The following BMPR1B variants were observed in gnomAD, a reference collection of about 807,000 sequenced individuals.
The protein encoded by BMPR1B is bone morphogenetic protein receptor type-1B.
A neutral mutation model predicts 59.1 loss-of-function variants in BMPR1B; 12 were observed. That is an observed-to-expected ratio of 0.20 (90% CI 0.13 to 0.33). The LOEUF (loss-of-function observed/expected upper bound fraction) is 0.33, where lower values mean the gene tolerates loss of function less well. Among genes scored for constraint, BMPR1B ranks in the 10% least tolerant of loss-of-function variants. The probability of loss-of-function intolerance (pLI) is 1.00; values close to 1 mark genes in which losing one functional copy is unlikely to be tolerated. For missense variants in BMPR1B, 550 were observed against 610.9 expected (o/e 0.90, Z 1.05); for synonymous variants, 237 against 207.3 (o/e 1.14, Z -1.23).
rs541403195 is a variant in BMPR1B at position 95,020,317 on chromosome 4, C to G, written c.-18+24183C>G. ...ATTATCAACTGGGCGCAGTGGCTTA[C>G]GCCTGTAATCCCAGCACTTTGGGAG... On this transcript the variant is annotated intron_variant, in intron 3 of 12. Coordinates refer to ENST00000515059, the MANE Select transcript of BMPR1B (RefSeq NM_001203.3). Among the ~76,000 whole-genome samples the G allele has an allele frequency of 7.2e-5, 11 of 152,288 alleles. No individual in the cohort carries two copies. In the East Asian group the frequency reaches 2.1e-3, roughly 29 times the overall value.
chr4:94,867,140 T>C (rs570373232), intron 1 of BMPR1B, among the ~76,000 whole-genome samples: 3 of 152,326 alleles, frequency 2.0e-5, no homozygotes, highest in South Asian at 2.1e-4. Flanking sequence ...TTTTGTGTTC[T>C]AAAGGTTCCA....
At chr4:94,798,218 T>C (rs1219887259) in intron 1 of BMPR1B, among the ~76,000 whole-genome samples, 1 of 152,240 alleles carries the variant, frequency 6.6e-6, no homozygotes, top group Non-Finnish European at 1.5e-5. Context: ...ATATATTATG[T>C]GCTTGGATTC....
In BMPR1B at chr4:94,856,385, GCGTAAGT is replaced by G. The variant is rs1725756622; in HGVS notation, c.-182-19444_-182-19438del. On this transcript the variant is annotated intron_variant, in intron 1 of 12. Transcript: ENST00000515059. ...TATGTCTTTCTCCAGCCAGCTAGCA[GCGTAAGT>G]CATAGAAAACAGCAAGAACCTGGGA... Among the ~76,000 whole-genome samples the G allele has an allele frequency of 3.3e-5, 5 of 152,152 alleles. No homozygotes were observed. In the South Asian group the frequency reaches 1.0e-3, roughly 31 times the overall value.
At chr4:94,795,656 G>T (rs915622723) in intron 1 of BMPR1B, among the ~76,000 whole-genome samples, 9 of 152,126 alleles carry the variant, frequency 5.9e-5, no homozygotes, top group African/African-American at 1.7e-4. Flanking sequence ...TAGAGACGGG[G>T]TTTCACCATA....
chr4:95,099,238 G>A (rs924874440), intron 3 of BMPR1B, among the ~76,000 whole-genome samples: 22 of 152,160 alleles, frequency 1.4e-4, no homozygotes, highest in African/African-American at 5.1e-4. Context: ...TTCTTGGCTC[G>A]ATTCTCTTTT....
At chr4:94,831,310 C>T (rs1174822728) in intron 1 of BMPR1B, among the ~76,000 whole-genome samples, 1 of 142,078 alleles carries the variant, frequency 7.0e-6, no homozygotes, top group African/African-American at 2.6e-5. Flanking sequence ...TATAGCTGTA[C>T]AATGTGTTTG....
chr4:94,876,051 CA>C (rs1212380661), intron 2 of BMPR1B, among the ~76,000 whole-genome samples, 151 bp downstream of exon 2: 1 of 152,122 alleles, frequency 6.6e-6, no homozygotes, highest in Non-Finnish European at 1.5e-5. Flanking sequence ...CTTTAGTTAT[CA>C]GTAAAAACAC....
At position 94,830,542 on chromosome 4, in the gene BMPR1B, A is replaced by C. The variant is rs907266917; in HGVS notation, c.-182-45289A>C. ...TCTCTCACCCCTTTTAAACTCCTTC[A>C]AGCATTGCTATTACTGGGGTTGCCT... On this transcript the variant is annotated intron_variant, in intron 1 of 12. Transcript: ENST00000515059. 3.5e-4 allele frequency among the ~76,000 whole-genome samples: 53 copies of C among 152,168 alleles called. 1 individual carries two copies. Among genetic ancestry groups the C allele is most frequent in the African/African-American group, 1.2e-3 (51 of 41,454 alleles).
intron 1 of BMPR1B, among the ~76,000 whole-genome samples, chr4:94,779,603 A>C (rs559835939): frequency 2.0e-5 from 3 of 152,104 alleles, no homozygotes; most frequent in Non-Finnish European, 4.4e-5. Context: ...GGCAAAGGCC[A>C]GTGGATCACC....
At chr4:95,123,563 G>C (rs1411039820) in intron 6 of BMPR1B, among the ~76,000 whole-genome samples, 1 of 152,110 alleles carries the variant, frequency 6.6e-6, no homozygotes, top group Non-Finnish European at 1.5e-5. Flanking sequence ...CCTGTGTCGA[G>C]CCTGTTCCTT....
chr4:95,082,639 C>T (rs1729247449), intron 3 of BMPR1B, among the ~76,000 whole-genome samples: 1 of 152,008 alleles, frequency 6.6e-6, no homozygotes, highest in South Asian at 2.1e-4. Flanking sequence ...CTTAAGGTCC[C>T]AAATAGTAAA....
In BMPR1B at chr4:95,036,704, C is replaced by CT. The variant is rs5860386; in HGVS notation, c.-18+40589dup. ...AGATATCTCTTCAATATACAATTTC[C>CT]TTTTTTTTTTTTTTTTTTTGATATT... On this transcript the variant is annotated intron_variant, in intron 3 of 12. Coordinates refer to ENST00000515059, the MANE Select transcript of BMPR1B (RefSeq NM_001203.3). 8.0e-4 allele frequency among the ~76,000 whole-genome samples: 103 copies of CT among 128,074 alleles called. 3 individuals are homozygous for CT. The highest frequency in any genetic ancestry group is 2.7e-3 in the East Asian group (12 of 4,498). The allele number at this position is 128,074 out of a possible 152,430, so 84.0% of individuals were successfully genotyped here.
chr4:95,022,021 A>G (rs1724022663), intron 3 of BMPR1B, among the ~76,000 whole-genome samples: 1 of 152,228 alleles, frequency 6.6e-6, no homozygotes, highest in Non-Finnish European at 1.5e-5. Flanking sequence ...TTTGTTTACA[A>G]TTTCTTTTTT....
At chr4:95,112,079 A>G (rs1166113725) in intron 4 of BMPR1B, among the ~76,000 whole-genome samples, 3 of 152,124 alleles carry the variant, frequency 2.0e-5, no homozygotes, top group African/African-American at 7.2e-5. Flanking sequence ...TCTATAACAC[A>G]GGGACAGCAT....
intron 1 of BMPR1B, among the ~76,000 whole-genome samples, chr4:94,792,211 A>G (rs964786299): frequency 2.0e-4 from 30 of 152,298 alleles, no homozygotes; most frequent in Middle Eastern, 6.8e-3. Context: ...ATTATATTGA[A>G]CATAAATTAA....
chr4:94,940,997 T>C (rs542200018), intron 2 of BMPR1B, among the ~76,000 whole-genome samples: 176 of 152,302 alleles, frequency 1.2e-3, no homozygotes, highest in South Asian at 2.3e-3. Flanking sequence ...TTTGAATATT[T>C]ATTGGGAATT....
At chr4:94,952,141 T>G (rs1226791498) in intron 2 of BMPR1B, among the ~76,000 whole-genome samples, 1 of 152,194 alleles carries the variant, frequency 6.6e-6, no homozygotes, top group African/African-American at 2.4e-5. Context: ...TATTTGATTC[T>G]TCTCTCTTTT....
chr4:94,932,794 G>A (rs1729146200), intron 2 of BMPR1B, among the ~76,000 whole-genome samples: 1 of 152,138 alleles, frequency 6.6e-6, no homozygotes, highest in Non-Finnish European at 1.5e-5. Context: ...AGGAAAGATA[G>A]TGTTGGAGGG....
Position 95,132,277 on chromosome 4 carries a change from C to T in BMPR1B, c.1076+765C>T, listed in dbSNP as rs1733415102. Among the ~76,000 whole-genome samples the T allele has an allele frequency of 2.0e-5, 3 of 152,074 alleles. No individual in the cohort carries two copies. The South Asian group carries it at 6.2e-4, about 31-fold the overall frequency. On this transcript the variant is annotated intron_variant, in intron 10 of 12. Transcript: ENST00000515059. ...TTTAAAGAACTCAGTTTAGGCTTAG[C>T]CATTAATAAATGTTGGATCATCTTG...
Sources: allele counts gnomAD v4.1 joint callset (sites outside exome capture counted in the v4.1 genomes callset), GRCh38; gene constraint gnomAD v4.1.1; transcripts MANE v1.5; gene names NCBI Gene and HGNC (gene_info 2026-07-23, HGNC 2026-07-21).